The following PAPSS1 variants were observed in gnomAD, a reference collection of about 807,000 sequenced individuals.
PAPSS1 encodes bifunctional 3'-phosphoadenosine 5'-phosphosulfate synthase 1.
In PAPSS1, 50 loss-of-function variants were observed where a neutral mutation model predicts 72.0. That is an observed-to-expected ratio of 0.69 (90% CI 0.55 to 0.88). The LOEUF (loss-of-function observed/expected upper bound fraction) is 0.88. Among genes scored for constraint, PAPSS1 ranks in the 40% least tolerant of loss-of-function variants. The pLI is 0.00. For missense variants in PAPSS1, 657 were observed against 782.2 expected (o/e 0.84, Z 1.91); for synonymous variants, 261 against 263.6 (o/e 0.99, Z 0.09).
At chr4:107,719,898 C>T (rs1197460649) in intron 1 of PAPSS1, 1 of 1,357,392 alleles carries the variant, frequency 7.4e-7, no homozygotes, top group Non-Finnish European at 9.4e-7. Context: ...TGGCTCGGAC[C>T]GCACGCTGCG....
chr4:107,639,563 A>C (rs1053255744), intron 10 of PAPSS1, among the ~76,000 whole-genome samples: 1 of 152,186 alleles, frequency 6.6e-6, no homozygotes, highest in Non-Finnish European at 1.5e-5. Flanking sequence ...AGTAATACAT[A>C]ATCCTAAGGA....
chr4:107,643,063 G>GA (rs1245376149), intron 10 of PAPSS1, among the ~76,000 whole-genome samples: 2 of 152,214 alleles, frequency 1.3e-5, no homozygotes, highest in East Asian at 3.9e-4. Context: ...ATCACACAGC[G>GA]AAACACCACA....
chr4:107,661,189 A>G (rs768939416), intron 5 of PAPSS1, among the ~76,000 whole-genome samples: 27 of 152,238 alleles, frequency 1.8e-4, no homozygotes, highest in Admixed American at 1.6e-3. Context: ...AAAATCCGAA[A>G]CACTGACAAC....
At chr4:107,685,367 C>A (rs1026093714) in intron 4 of PAPSS1, among the ~76,000 whole-genome samples, 5 of 152,190 alleles carry the variant, frequency 3.3e-5, no homozygotes, top group African/African-American at 1.2e-4. Flanking sequence ...ACCTTCCTCC[C>A]TCACCAATCC....
chr4:107,679,681 CTTT>C (rs61604092), intron 5 of PAPSS1, among the ~76,000 whole-genome samples: 1 of 142,290 alleles, frequency 7.0e-6, no homozygotes, highest in Non-Finnish European at 1.5e-5. Flanking sequence ...TGAGGCAGGA[CTTT>C]TTTTTTTTTT....
Position 107,614,065 on chromosome 4 carries a change from C to A in PAPSS1, c.*184G>T, listed in dbSNP as rs531174421. ...AGTGGAAAAGATACATTAAAACCAT[C>A]AGTGTGTTACACTTGTTCAAAACAG... On this transcript the variant is annotated 3_prime_UTR_variant, in exon 12 of 12. Transcript: ENST00000265174. The A allele has an allele frequency of 3.5e-4, 154 of 439,450 alleles. 1 individual carries two copies. The highest frequency in any genetic ancestry group is 5.5e-4 in the Non-Finnish European group (135 of 246,874). The allele number at this position is 439,450 out of a possible 1,614,324, so 27.2% of individuals were successfully genotyped here.
chr4:107,614,450 A>G, intron 11 of PAPSS1, 63 bp from the exon 12 acceptor site: 1 of 1,328,194 alleles, frequency 7.5e-7, no homozygotes, highest in Non-Finnish European at 1.1e-6. Flanking sequence ...TTTAAAAAGC[A>G]TTTGTTCCTT....
At chr4:107,619,138 C>T (rs1725895735) in intron 11 of PAPSS1, among the ~76,000 whole-genome samples, 1 of 152,170 alleles carries the variant, frequency 6.6e-6, no homozygotes, top group South Asian at 2.1e-4. Context: ...CAGCAGCTTG[C>T]TAGATGACTC....
At chr4:107,653,681 C>T in intron 8 of PAPSS1, 55 bp from the exon 9 acceptor site, 2 of 1,474,250 alleles carry the variant, frequency 1.4e-6, no homozygotes, top group South Asian at 2.4e-5. Flanking sequence ...TAAGTAAAAA[C>T]ATTTCTCTCA....
intron 6 of PAPSS1, among the ~76,000 whole-genome samples, chr4:107,658,666 C>T (rs1176620473): frequency 6.6e-6 from 1 of 152,020 alleles, no homozygotes; most frequent in African/African-American, 2.4e-5. Context: ...CCAATGTGTT[C>T]CACTGCAAAA....
At chr4:107,666,972 A>T (rs996638429) in intron 5 of PAPSS1, among the ~76,000 whole-genome samples, 1 of 152,032 alleles carries the variant, frequency 6.6e-6, no homozygotes, top group Admixed American at 6.6e-5. Context: ...TGCTGAGGAG[A>T]GGACTCTTGG....
chr4:107,691,153 A>G (rs550770130), intron 3 of PAPSS1, among the ~76,000 whole-genome samples: 1 of 152,112 alleles, frequency 6.6e-6, no homozygotes, highest in East Asian at 1.9e-4. Flanking sequence ...ACACTTATCC[A>G]TAATTCTTAC....
chr4:107,701,280 C>A lies in PAPSS1; in HGVS notation c.66G>T (p.Met22Ile). Residue 22 changes from methionine (M) to isoleucine (I), a missense_variant, in exon 2 of 12, where the codon ATG (methionine) becomes ATT (isoleucine). Physicochemically the swap from Met to Ile is conservative, Grantham distance 10. This residue lies in a region of PAPSS1 where 48 missense variants were observed against 31.9 expected (regional missense o/e 1.51). Transcript: ENST00000265174. ...KLSNNAQNWG[M>I]QRATNVTYQA... Reference sequence around the variant, plus strand: ...GGTAGGTGACATTGGTTGCTCTCTGCATTCCCTAGAAAAAAAAGAAAAAAA... The same window carrying A: ...GGTAGGTGACATTGGTTGCTCTCTGAATTCCCTAGAAAAAAAAGAAAAAAA... 1 of 1,603,620 alleles carries A rather than the reference C, an allele frequency of 6.2e-7. No individual in the cohort carries two copies.
At chr4:107,649,354 C>T (rs1343729081) in intron 9 of PAPSS1, among the ~76,000 whole-genome samples, 2 of 152,270 alleles carry the variant, frequency 1.3e-5, no homozygotes, top group African/African-American at 4.8e-5. Context: ...TCCCACCTGG[C>T]TTCAGAAACA....
intron 2 of PAPSS1, among the ~76,000 whole-genome samples, chr4:107,697,360 T>C (rs1254053875): frequency 6.6e-6 from 1 of 152,246 alleles, no homozygotes; most frequent in Non-Finnish European, 1.5e-5. Flanking sequence ...TTAGGCAAAT[T>C]GTTACACAGT....
Position 107,687,757 on chromosome 4 carries a change from C to G in PAPSS1, c.412-580G>C, listed in dbSNP as rs550315159. Among the ~76,000 whole-genome samples the G allele has an allele frequency of 5.9e-5, 9 of 152,222 alleles. No individual in the cohort carries two copies. In the South Asian group the frequency reaches 1.9e-3, roughly 32 times the overall value. ...AACAATGTTTCCTTTGTAAATCAAC[C>G]TTTTCTTCTTTCTGGTCTTCAAAAC... On this transcript the variant is annotated intron_variant, in intron 3 of 11. Coordinates refer to ENST00000265174, the MANE Select transcript of PAPSS1 (RefSeq NM_005443.5).
At chr4:107,709,851 T>C (rs1433979919) in intron 1 of PAPSS1, among the ~76,000 whole-genome samples, 1 of 152,222 alleles carries the variant, frequency 6.6e-6, no homozygotes, top group Non-Finnish European at 1.5e-5. Context: ...GAAGGCTGAT[T>C]TGTTCAATAA....
chr4:107,690,301 C>G (rs966027813), intron 3 of PAPSS1, among the ~76,000 whole-genome samples: 2 of 152,194 alleles, frequency 1.3e-5, no homozygotes, highest in Non-Finnish European at 2.9e-5. Context: ...ATCAGTCACA[C>G]CAACCTACCT....
intron 4 of PAPSS1, 131 bp from the exon 5 acceptor site, chr4:107,682,264 A>T (rs1722641760): frequency 2.4e-6 from 1 of 423,074 alleles, no homozygotes; most frequent in Non-Finnish European, 4.2e-6. Context: ...TATAGTAATG[A>T]AGCATCTTTC....
Sources: gnomAD v4.1 joint callset for allele counts (sites outside exome capture counted in the v4.1 genomes callset) on GRCh38, gnomAD v4.1.1 for gene constraint, gnomAD v4.1.1 regional missense constraint, MANE v1.5 for transcripts, NCBI Gene and HGNC (gene_info 2026-07-23, HGNC 2026-07-21) for gene names.